The following CCDC91 variants were observed in gnomAD, a reference collection of about 807,000 sequenced individuals.
CCDC91 encodes coiled-coil domain-containing protein 91.
A neutral mutation model predicts 63.2 loss-of-function variants in CCDC91; 48 were observed. The ratio of observed to expected loss-of-function variants is 0.76; its 90% confidence interval spans 0.60 to 0.97. CCDC91 has a LOEUF of 0.97. CCDC91 is among the 50% of genes least tolerant of loss of function. The probability of loss-of-function intolerance (pLI) is 0.00; values close to 1 mark genes in which losing one functional copy is unlikely to be tolerated. For missense variants in CCDC91, 500 were observed against 494.6 expected (o/e 1.01, Z -0.10); for synonymous variants, 167 against 165.8 (o/e 1.01, Z -0.06).
intron 6 of CCDC91, among the ~76,000 whole-genome samples, chr12:28,319,912 C>CT (rs1245156065): frequency 6.6e-6 from 1 of 151,728 alleles, no homozygotes; most frequent in Non-Finnish European, 1.5e-5. Flanking sequence ...GATGCAGTAC[C>CT]TACAGATGCA....
chr12:28,453,832 T>G (rs1160745000), intron 11 of CCDC91, among the ~76,000 whole-genome samples: 1 of 152,132 alleles, frequency 6.6e-6, no homozygotes, highest in Non-Finnish European at 1.5e-5. Context: ...TAAATTTGTT[T>G]TATGACCCCG....
At position 28,397,727 on chromosome 12, in the gene CCDC91, A is replaced by G. The variant is rs187475609; in HGVS notation, c.762+6316A>G. 1.1e-3 allele frequency among the ~76,000 whole-genome samples: 171 copies of G among 152,276 alleles called. 2 individuals carry two copies. Among genetic ancestry groups the G allele is most frequent in the African/African-American group, 3.5e-3 (145 of 41,568 alleles). ...TACTTATAAAATCCAAATTCCTATA[A>G]AGGATAAGTACAATATGCTATTTAT... On this transcript the variant is annotated intron_variant, in intron 8 of 12. Transcript: ENST00000536442.
chr12:28,196,474 T>C (rs11049440), intron 1 of CCDC91, among the ~76,000 whole-genome samples: 39,528 of 151,964 alleles, frequency 0.26, 5,367 homozygotes, highest in Non-Finnish European at 0.31. Context: ...GCTAGGACCT[T>C]TGCTAATGTT....
chr12:28,445,547 A>T (rs1008682560), intron 8 of CCDC91, among the ~76,000 whole-genome samples: 19 of 152,224 alleles, frequency 1.2e-4, no homozygotes, highest in African/African-American at 4.6e-4. Context: ...TACAAGCACT[A>T]GGTGCTGTAT....
chr12:28,264,527 A>T (rs939947490), intron 3 of CCDC91, among the ~76,000 whole-genome samples: 3 of 150,670 alleles, frequency 2.0e-5, no homozygotes, highest in Non-Finnish European at 4.4e-5. Context: ...ATAAATATGT[A>T]TGTATATATG....
chr12:28,394,731 T>TCC (rs1555202469), intron 8 of CCDC91, among the ~76,000 whole-genome samples: 1 of 151,476 alleles, frequency 6.6e-6, no homozygotes, highest in Admixed American at 6.6e-5. Flanking sequence ...TCTCTCTCTC[T>TCC]CCCCCTTTTT....
chr12:28,428,572 C>A (rs11049592), intron 8 of CCDC91, among the ~76,000 whole-genome samples: 43,318 of 46,680 alleles, frequency 0.93, 20,157 homozygotes, highest in Middle Eastern at 0.95. Flanking sequence ...TCCGTCTCTC[C>A]CCAAAAAAAA....
intron 8 of CCDC91, among the ~76,000 whole-genome samples, chr12:28,433,388 TC>T (rs1002783491): frequency 1.4e-4 from 22 of 152,034 alleles, no homozygotes; most frequent in African/African-American, 5.1e-4. Context: ...GAATTAATTT[TC>T]ATGAAAGTTA....
At chr12:28,420,099 G>C (rs1286266623) in intron 8 of CCDC91, among the ~76,000 whole-genome samples, 3 of 152,062 alleles carry the variant, frequency 2.0e-5, no homozygotes, top group Non-Finnish European at 4.4e-5. Flanking sequence ...GATAGTAGAG[G>C]TGATAATCAG....
intron 8 of CCDC91, among the ~76,000 whole-genome samples, chr12:28,402,718 A>T (rs2139545483): frequency 6.6e-6 from 1 of 152,036 alleles, no homozygotes; most frequent in African/African-American, 2.4e-5. Flanking sequence ...TACTTGCCTT[A>T]TTCCTGATTT....
chr12:28,467,308 G>A (rs1280579479), intron 11 of CCDC91, among the ~76,000 whole-genome samples: 1 of 151,972 alleles, frequency 6.6e-6, no homozygotes, highest in Admixed American at 6.6e-5. Flanking sequence ...AAAATGAGCA[G>A]GAGTAGCTAT....
chr12:28,198,619 A>G (rs1302950312), intron 1 of CCDC91, among the ~76,000 whole-genome samples: 1 of 152,168 alleles, frequency 6.6e-6, no homozygotes, highest in Non-Finnish European at 1.5e-5. Context: ...TGTTTAATAA[A>G]TGGTGATAGT....
At chr12:28,524,919 A>C (rs1941123190) in intron 12 of CCDC91, among the ~76,000 whole-genome samples, 1 of 151,956 alleles carries the variant, frequency 6.6e-6, no homozygotes, top group East Asian at 1.9e-4. Context: ...GATGTTTAGT[A>C]TTTCTGTGAT....
chr12:28,466,778 A>G (rs1275654349), intron 11 of CCDC91, among the ~76,000 whole-genome samples: 1 of 152,148 alleles, frequency 6.6e-6, no homozygotes, highest in Admixed American at 6.5e-5. Flanking sequence ...TGAATGTGCA[A>G]AACTCTCTGG....
intron 1 of CCDC91, among the ~76,000 whole-genome samples, chr12:28,222,516 C>T (rs1457975239): frequency 6.6e-6 from 1 of 152,082 alleles, no homozygotes; most frequent in Non-Finnish European, 1.5e-5. Flanking sequence ...CTTCTCACTT[C>T]CTATTTTTAC....
rs551983448 is a variant in CCDC91, at chr12:28,421,584, G to A, written c.763-28577G>A. Among the ~76,000 whole-genome samples the A allele has an allele frequency of 6.0e-5, 9 of 150,352 alleles. No individual in the cohort carries two copies. In the South Asian group the frequency reaches 1.7e-3, roughly 28 times the overall value. On this transcript the variant is annotated intron_variant, in intron 8 of 12. Transcript: ENST00000536442. Reference sequence around the variant, plus strand: ...TGTCTTTCTTTTTTATGGCTGCATAGTATTCCATGGTGTATATGTCTGTCA... The same window carrying A: ...TGTCTTTCTTTTTTATGGCTGCATAATATTCCATGGTGTATATGTCTGTCA...
At chr12:28,303,546 T>C (rs1017985446) in intron 3 of CCDC91, among the ~76,000 whole-genome samples, 9 of 152,138 alleles carry the variant, frequency 5.9e-5, no homozygotes, top group Non-Finnish European at 8.8e-5. Flanking sequence ...TAAATAAATA[T>C]TAAAATAGGT....
chr12:28,358,126 G>C (rs1943638621), intron 6 of CCDC91, among the ~76,000 whole-genome samples: 1 of 152,106 alleles, frequency 6.6e-6, no homozygotes, highest in Non-Finnish European at 1.5e-5. Context: ...AGTTGGAAGT[G>C]TATCTTAGAA....
chr12:28,398,101 ACT>A (rs1345099021), intron 8 of CCDC91, among the ~76,000 whole-genome samples: 1 of 152,132 alleles, frequency 6.6e-6, no homozygotes, highest in Non-Finnish European at 1.5e-5. Flanking sequence ...AAATATATAC[ACT>A]CATATATCTA....
Sources: gnomAD v4.1 joint callset for allele counts (sites outside exome capture counted in the v4.1 genomes callset) on GRCh38, gnomAD v4.1.1 for gene constraint, MANE v1.5 for transcripts, NCBI Gene and HGNC (gene_info 2026-07-23, HGNC 2026-07-21) for gene names.